NWD2: variants seen among roughly 807,000 people sequenced by gnomAD.
NWD2 encodes NACHT and WD repeat domain-containing protein 2.
A neutral mutation model predicts 132.7 loss-of-function variants in NWD2; 37 were observed. The ratio of observed to expected loss-of-function variants is 0.28; its 90% CI spans 0.21 to 0.37. The LOEUF (loss-of-function observed/expected upper bound fraction) is 0.37. Among genes scored for constraint, NWD2 ranks in the 10% least tolerant of loss-of-function variants. The probability of loss-of-function intolerance (pLI) is 1.00; values close to 1 mark genes in which losing one functional copy is unlikely to be tolerated. For missense variants in NWD2, 1,592 were observed against 2,122.4 expected (o/e 0.75, Z 4.91); for synonymous variants, 705 against 803.0 (o/e 0.88, Z 2.06).
chr4:37,447,079 T>C lies in NWD2; in HGVS notation c.5091T>C (p.Phe1697=), dbSNP rs981465914. 8 of 1,551,528 alleles carry C rather than the reference T, an allele frequency of 5.2e-6. No homozygotes were observed. The highest frequency in any genetic ancestry group is 1.7e-4 in the Middle Eastern group (1 of 6,014). ...TATGGAGAGAGTCCACTGAGGTCTTTGCAAGAGACAGCCCCATCACAGTTA... is the reference window on the plus strand; with the variant it reads ...TATGGAGAGAGTCCACTGAGGTCTTCGCAAGAGACAGCCCCATCACAGTTA... ...DCLWRESTEV[F]ARDSPITVSD... The change falls in exon 7 of 7, where the codon TTT becomes TTC. Residue 1697 remains phenylalanine, a synonymous_variant. Coordinates refer to ENST00000309447, the MANE Select transcript of NWD2 (RefSeq NM_001144990.2).
At chr4:37,313,384 C>A (rs1317774965) in intron 1 of NWD2, among the ~76,000 whole-genome samples, 1 of 151,000 alleles carries the variant, frequency 6.6e-6, no homozygotes, top group East Asian at 1.9e-4. Context: ...GGAATTTATC[C>A]ATTTCTTCTA....
intron 1 of NWD2, among the ~76,000 whole-genome samples, chr4:37,299,641 G>A (rs1718570236): frequency 6.6e-6 from 1 of 152,168 alleles, no homozygotes; most frequent in Admixed American, 6.6e-5. Flanking sequence ...CTAGCAGAGT[G>A]TTGGGTGCAG....
intron 2 of NWD2, among the ~76,000 whole-genome samples, chr4:37,337,625 C>T (rs913048873): frequency 3.3e-5 from 5 of 152,212 alleles, no homozygotes; most frequent in African/African-American, 1.2e-4. Flanking sequence ...GGTTCCATCT[C>T]TCCTTGTCTC....
In NWD2 at chr4:37,443,452, G is replaced by A. The variant is rs1318322474; in HGVS notation, c.1464G>A (p.Lys488=). 2.6e-6 allele frequency: 4 copies of A among 1,552,120 alleles called. No individual in the cohort carries two copies. The highest frequency in any genetic ancestry group is 3.5e-6 in the Non-Finnish European group (4 of 1,147,128). Residue 488 remains lysine (K), a synonymous_variant, in exon 7 of 7, where the codon AAG becomes AAA. Transcript: ENST00000309447. This position sits in a 1 kb window ranked among gnomAD's most constrained non-coding sequence, Gnocchi z 4.1. ...GTCTGGTTCAAAGCTACCCTAAGAA[G>A]ATCCATGACCTCTGTGACTTATTTA... ...YRCLVQSYPK[K]IHDLCDLFIN...
chr4:37,323,631 G>A (rs1719112707), intron 1 of NWD2, among the ~76,000 whole-genome samples: 1 of 152,140 alleles, frequency 6.6e-6, no homozygotes, highest in African/African-American at 2.4e-5. Context: ...AAAGTTCAGA[G>A]ATTTCTCAAA....
In NWD2 at chr4:37,356,389, G is replaced by C; in HGVS notation, c.264G>C (p.Val88=). 1 of 1,550,750 alleles carries C rather than the reference G, an allele frequency of 6.4e-7. No individual in the cohort carries two copies. Among genetic ancestry groups the C allele is most frequent in the Non-Finnish European group, 8.7e-7 (1 of 1,146,174 alleles). Reference sequence around the variant, plus strand: ...AGGTCATAGATCTGTACTGGGGAGTGGAAGAAGATGAGTGGGACAGCCCAG... The same window carrying C: ...AGGTCATAGATCTGTACTGGGGAGTCGAAGAAGATGAGTGGGACAGCCCAG... The part of the protein sequence containing the change: ...EFQVIDLYWG[V]EEDEWDSPEL... The change falls in exon 3 of 7, where the codon GTG becomes GTC. Residue 88 remains valine (V), a synonymous_variant. Transcript: ENST00000309447.
intron 1 of NWD2, among the ~76,000 whole-genome samples, chr4:37,285,665 A>G (rs192261682): frequency 1.3e-5 from 2 of 152,286 alleles, no homozygotes; most frequent in Admixed American, 1.3e-4. Flanking sequence ...GAGCTGGGTA[A>G]TACTTTCTAA....
chr4:37,332,028 GAA>G (rs1329106348), intron 2 of NWD2, among the ~76,000 whole-genome samples: 23 of 152,208 alleles, frequency 1.5e-4, no homozygotes, highest in South Asian at 4.1e-4. Flanking sequence ...CCAGTGATCA[GAA>G]ACTGAGTTTC....
intron 1 of NWD2, among the ~76,000 whole-genome samples, chr4:37,276,419 G>A (rs572871003): frequency 9.1e-4 from 139 of 152,192 alleles, no homozygotes; most frequent in African/African-American, 2.6e-3. Context: ...TTAGAATGGC[G>A]ATCATTAAAA....
intron 1 of NWD2, among the ~76,000 whole-genome samples, chr4:37,254,650 A>T (rs1436302907): frequency 6.6e-6 from 1 of 152,230 alleles, no homozygotes; most frequent in South Asian, 2.1e-4. Flanking sequence ...TTTTGTTGAA[A>T]CCAAACAGGA....
Position 37,424,007 on chromosome 4 carries a change from G to A in NWD2, c.358-6565G>A, listed in dbSNP as rs148503159. ...AATAAGGTGTTGCTGGCTCTTTGGC[G>A]GGGTTCAGGTGGTCTCACTCCACAG... On this transcript the variant is annotated intron_variant, in intron 3 of 6. Transcript: ENST00000309447. Among the ~76,000 whole-genome samples the A allele has an allele frequency of 1.8e-4, 28 of 152,160 alleles. No homozygotes were observed. In the East Asian group the frequency reaches 2.1e-3, roughly 12 times the overall value.
intron 1 of NWD2, among the ~76,000 whole-genome samples, chr4:37,283,040 C>G (rs1718160323): frequency 6.6e-6 from 1 of 152,118 alleles, no homozygotes; most frequent in African/African-American, 2.4e-5. Context: ...GCACCAGGGA[C>G]TCACACCCTG....
intron 3 of NWD2, among the ~76,000 whole-genome samples, chr4:37,419,465 C>G (rs1009319962): frequency 2.0e-5 from 3 of 152,172 alleles, no homozygotes; most frequent in Middle Eastern, 3.2e-3. Context: ...AAACAGACAA[C>G]CTACAGGATG....
intron 3 of NWD2, among the ~76,000 whole-genome samples, chr4:37,366,494 T>G (rs1720101124): frequency 6.6e-6 from 1 of 152,010 alleles, no homozygotes; most frequent in Non-Finnish European, 1.5e-5. Flanking sequence ...AAAGGAAGAC[T>G]AAAGAATAGA....
intron 1 of NWD2, among the ~76,000 whole-genome samples, chr4:37,292,366 G>T (rs1250562052): frequency 6.6e-6 from 1 of 152,132 alleles, no homozygotes; most frequent in African/African-American, 2.4e-5. Context: ...TGAAGGGACT[G>T]CTCTAGCCCC....
intron 1 of NWD2, among the ~76,000 whole-genome samples, chr4:37,252,217 A>G (rs1717392223): frequency 6.6e-6 from 1 of 152,246 alleles, no homozygotes; most frequent in Non-Finnish European, 1.5e-5. Flanking sequence ...AGCTTTTATC[A>G]TTTTGAATAG....
rs1720738368 is a variant in NWD2, at chr4:37,394,389, A to C, written c.358-36183A>C. Among the ~76,000 whole-genome samples, 5 of 151,624 alleles carry C rather than the reference A, an allele frequency of 3.3e-5. No individual in the cohort carries two copies. The South Asian group carries it at 1.0e-3, about 31-fold the overall frequency. On this transcript the variant is annotated intron_variant, in intron 3 of 6. Coordinates refer to ENST00000309447, the MANE Select transcript of NWD2 (RefSeq NM_001144990.2). ...AGAGCAGATGCTAGACATAAATAACAGTTATTGATTAATACAAACTGAAAA... is the reference window on the plus strand; with the variant it reads ...AGAGCAGATGCTAGACATAAATAACCGTTATTGATTAATACAAACTGAAAA...
At chr4:37,422,320 C>A (rs748189620) in intron 3 of NWD2, among the ~76,000 whole-genome samples, 1 of 152,168 alleles carries the variant, frequency 6.6e-6, no homozygotes, top group Non-Finnish European at 1.5e-5. Flanking sequence ...GGTGACTCTG[C>A]ACATCTGTTG....
chr4:37,432,352 G>A (rs1273106597), intron 4 of NWD2, among the ~76,000 whole-genome samples: 2 of 120,590 alleles, frequency 1.7e-5, no homozygotes, highest in Non-Finnish European at 3.4e-5. Flanking sequence ...TAATACATGT[G>A]AGGGTGAAGA....
Sources: gnomAD v4.1 joint callset for allele counts (sites outside exome capture counted in the v4.1 genomes callset) on GRCh38, gnomAD v4.1.1 for gene constraint, Gnocchi (gnomAD v3.1) non-coding constraint, MANE v1.5 for transcripts, NCBI Gene and HGNC (gene_info 2026-07-23, HGNC 2026-07-21) for gene names.